The following HUNK variants were observed in gnomAD, a reference collection of about 807,000 sequenced individuals.
HUNK encodes the protein hormonally up-regulated neu tumor-associated kinase.
In HUNK, 21 loss-of-function variants were observed where a neutral mutation model predicts 61.0. The ratio of observed to expected loss-of-function variants is 0.34; its 90% confidence interval spans 0.24 to 0.50. HUNK has a LOEUF of 0.50. Among genes scored for constraint, HUNK ranks in the 20% least tolerant of loss-of-function variants. The probability of loss-of-function intolerance (pLI) is 0.98; values close to 1 mark genes in which losing one functional copy is unlikely to be tolerated. For missense variants in HUNK, 772 were observed against 945.7 expected, an observed-to-expected ratio of 0.82 and a Z score of 2.41; for synonymous variants, 371 against 386.1, an observed-to-expected ratio of 0.96 and a Z score of 0.46.
At chr21:31,982,080 T>C (rs2053101504) in intron 7 of HUNK, among the ~76,000 whole-genome samples, 1 of 152,136 alleles carries the variant, frequency 6.6e-6, no homozygotes, top group Non-Finnish European at 1.5e-5. Flanking sequence ...TTCTCTTGCC[T>C]AAGTGCTCTG....
intron 8 of HUNK, among the ~76,000 whole-genome samples, chr21:31,988,671 T>TTC (rs576214595): frequency 9.1e-6 from 1 of 109,734 alleles, no homozygotes; most frequent in Non-Finnish European, 2.0e-5. Flanking sequence ...TTTTCTTTCT[T>TTC]TCTCTTTCTT....
intron 1 of HUNK, among the ~76,000 whole-genome samples, chr21:31,907,323 T>C (rs1458512104): frequency 1.3e-5 from 2 of 152,190 alleles, no homozygotes; most frequent in Non-Finnish European, 2.9e-5. Context: ...CATGCTGAGA[T>C]GATAATATTT....
At position 31,998,978 on chromosome 21, in the gene HUNK, C is replaced by T; in HGVS notation, c.1939C>T (p.Pro647Ser). The change falls in exon 11 of 11, where the codon CCC (proline) becomes TCC (serine). Residue 647 changes from proline to serine, a missense_variant. By Grantham distance (74) the Pro-to-Ser change is moderately conservative (BLOSUM62 -1). Coordinates refer to ENST00000270112, the MANE Select transcript of HUNK (RefSeq NM_014586.2). ...CCCACCTCCGGTTCCCAGCAATGGC[C>T]CCATGCAGCCTCTGGGGAGCCCCAA... ...CCPPPVPSNG[P>S]MQPLGSPNCV... The T allele has an allele frequency of 6.2e-7, 1 of 1,614,206 alleles. No homozygotes were observed. Among genetic ancestry groups the T allele is most frequent in the East Asian group, 2.2e-5 (1 of 44,870 alleles).
At chr21:31,933,047 C>T (rs1178938644) in intron 2 of HUNK, among the ~76,000 whole-genome samples, 1 of 151,762 alleles carries the variant, frequency 6.6e-6, no homozygotes, top group Non-Finnish European at 1.5e-5. Flanking sequence ...CAGCCTGTAG[C>T]TGAGACTACA....
At chr21:31,930,651 G>A (rs1168224264) in intron 2 of HUNK, among the ~76,000 whole-genome samples, 1 of 152,200 alleles carries the variant, frequency 6.6e-6, no homozygotes, top group Non-Finnish European at 1.5e-5. Flanking sequence ...TCAGCCCAGT[G>A]GGCACACAGT....
At chr21:31,971,228 C>T (rs1261788986) in intron 6 of HUNK, among the ~76,000 whole-genome samples, 2 of 151,926 alleles carry the variant, frequency 1.3e-5, no homozygotes, top group East Asian at 1.9e-4. Context: ...AGTGCCACCA[C>T]GCCCGGCTAG....
At position 31,986,721 on chromosome 21, in the gene HUNK, G is replaced by A. The variant is rs569897933; in HGVS notation, c.1257+3112G>A. ...TTGCTGTGCTCTCTCTGCCTGTGGGGGCTGTGCACATGCTGCTCCCTCTTC... is the reference window on the plus strand; with the variant it reads ...TTGCTGTGCTCTCTCTGCCTGTGGGAGCTGTGCACATGCTGCTCCCTCTTC... On this transcript the variant is annotated intron_variant, in intron 8 of 10. Coordinates refer to ENST00000270112, the MANE Select transcript of HUNK (RefSeq NM_014586.2). Among the ~76,000 whole-genome samples the A allele has an allele frequency of 3.3e-5, 5 of 152,218 alleles. No homozygotes were observed. In the South Asian group the frequency reaches 1.0e-3, roughly 32 times the overall value.
chr21:31,999,096 C>G lies in HUNK; in HGVS notation c.2057C>G (p.Pro686Arg), dbSNP rs1182879768. The G allele has an allele frequency of 6.2e-7, 1 of 1,614,158 alleles. No individual in the cohort carries two copies. The highest frequency in any genetic ancestry group is 1.7e-5 in the Admixed American group (1 of 60,026). ...AGTCTGCAGCCATCTGCAGATAGGC[C>G]CCTGGAGGCCAGCCTGCCCCCACTG... ...HQSLQPSADR[P>R]LEASLPPLQP... Residue 686 changes from proline (P) to arginine (R), a missense_variant, in exon 11 of 11, where the codon CCC becomes CGC. By Grantham distance (103) the Pro-to-Arg change is moderately radical (BLOSUM62 -2). This residue lies in a region of HUNK where 413 missense variants were observed against 444.4 expected (regional missense o/e 0.93). Coordinates refer to ENST00000270112, the MANE Select transcript of HUNK (RefSeq NM_014586.2).
intron 1 of HUNK, among the ~76,000 whole-genome samples, chr21:31,904,667 TC>T (rs968907001): frequency 6.6e-6 from 1 of 152,188 alleles, no homozygotes; most frequent in African/African-American, 2.4e-5. Flanking sequence ...ATTTCTTTTT[TC>T]CTTAGTTCTA....
intron 6 of HUNK, among the ~76,000 whole-genome samples, chr21:31,973,528 C>T (rs567484794): frequency 1.3e-5 from 2 of 152,184 alleles, no homozygotes; most frequent in African/African-American, 4.8e-5. Flanking sequence ...CCCTTAGAGC[C>T]CTCCCCCTGA....
intron 4 of HUNK, among the ~76,000 whole-genome samples, chr21:31,949,348 A>T (rs1442650734): frequency 6.6e-6 from 1 of 152,144 alleles, no homozygotes; most frequent in African/African-American, 2.4e-5. Flanking sequence ...CCCTCAACAC[A>T]GCCCCTCCCG....
At chr21:31,930,901 T>C (rs2052691792) in intron 2 of HUNK, among the ~76,000 whole-genome samples, 1 of 152,122 alleles carries the variant, frequency 6.6e-6, no homozygotes, top group Non-Finnish European at 1.5e-5. Flanking sequence ...AGAATTTGTT[T>C]CTGGAACATT....
chr21:31,901,216 C>T (rs565422200), intron 1 of HUNK, among the ~76,000 whole-genome samples: 3 of 152,284 alleles, frequency 2.0e-5, no homozygotes, highest in Non-Finnish European at 2.9e-5. Context: ...TGTTGGGGGA[C>T]ACATAACAAA....
intron 10 of HUNK, among the ~76,000 whole-genome samples, chr21:31,997,851 G>A (rs995961826): frequency 6.6e-6 from 1 of 152,158 alleles, no homozygotes; most frequent in African/African-American, 2.4e-5. Flanking sequence ...GAGTTTTATG[G>A]ATGTGCTGTT....
chr21:31,968,739 TGTGTGTGTGTGTGTGA>T (rs1361155708), intron 6 of HUNK, among the ~76,000 whole-genome samples: 8 of 146,342 alleles, frequency 5.5e-5, no homozygotes, highest in African/African-American at 1.8e-4. Context: ...TGTGTGTGTG[TGTGTGTGTGTGTGTGA>T]GAGAGAGAGA....
chr21:31,892,207 A>T (rs535774773), intron 1 of HUNK, among the ~76,000 whole-genome samples: 1,388 of 131,872 alleles, frequency 0.011, 24 homozygotes, highest in African/African-American at 0.037. Context: ...AGAGAGAGAG[A>T]GAGTGTGTGT....
chr21:31,909,681 G>A (rs866650216), intron 1 of HUNK, among the ~76,000 whole-genome samples: 2 of 152,322 alleles, frequency 1.3e-5, no homozygotes, highest in African/African-American at 2.4e-5. Context: ...GTAAAAGACA[G>A]GGATGTGTGT....
At chr21:31,949,412 T>C (rs1359298099) in intron 4 of HUNK, among the ~76,000 whole-genome samples, 1 of 152,178 alleles carries the variant, frequency 6.6e-6, no homozygotes, top group Non-Finnish European at 1.5e-5. Context: ...CATTATGGAT[T>C]TCTTCCAACC....
At chr21:31,921,442 C>A (rs1192923292) in intron 1 of HUNK, among the ~76,000 whole-genome samples, 1 of 127,430 alleles carries the variant, frequency 7.8e-6, no homozygotes, top group Non-Finnish European at 1.7e-5. Flanking sequence ...GGGTTGGGGG[C>A]TTGAGTGGGG....
Sources: gnomAD v4.1 joint callset for allele counts (sites outside exome capture counted in the v4.1 genomes callset) on GRCh38, gnomAD v4.1.1 for gene constraint, gnomAD v4.1.1 regional missense constraint, MANE v1.5 for transcripts, NCBI Gene and HGNC (gene_info 2026-07-23, HGNC 2026-07-21) for gene names.